DPP6: variants seen among roughly 807,000 people sequenced by gnomAD.
DPP6 encodes dipeptidyl peptidase like 6, also known as A-type potassium channel modulatory protein DPP6.
Under a neutral mutation model 122.6 loss-of-function variants are expected in DPP6, and 69 were observed. That is an observed-to-expected ratio of 0.56 (90% CI 0.46 to 0.69). The LOEUF (loss-of-function observed/expected upper bound fraction) is 0.69, where lower values mean the gene tolerates loss of function less well. Ranked by LOEUF, DPP6 falls within the 30% of genes least tolerant of loss-of-function variation. The probability of loss-of-function intolerance (pLI) is 0.00; values close to 1 mark genes in which losing one functional copy is unlikely to be tolerated. For missense variants in DPP6, 928 were observed against 1,116.9 expected (o/e 0.83, Z 2.41); for synonymous variants, 418 against 433.1 (o/e 0.97, Z 0.43).
chr7:154,204,388 C>T lies in DPP6; in HGVS notation c.243+151325C>T, dbSNP rs77746437. ...CTCATCCTCTTTGTGGCACTGGGCA[C>T]GCCACTCAAGATCCCTGCTTATTTC... On this transcript the variant is annotated intron_variant, in intron 1 of 25. Transcript: ENST00000377770. Among the ~76,000 whole-genome samples the T allele has an allele frequency of 3.9e-3, 595 of 152,258 alleles. 4 individuals carry two copies. The highest frequency in any genetic ancestry group is 0.014 in the African/African-American group (569 of 41,536).
At chr7:154,032,492 TTATC>T in intron 1 of DPP6, among the ~76,000 whole-genome samples, 1 of 152,286 alleles carries the variant, frequency 6.6e-6, no homozygotes, top group Middle Eastern at 3.4e-3. Context: ...TGTTACTAGT[TTATC>T]TAAGCCCAGA....
At chr7:153,939,493 G>C (rs1353835959) in intron 1 of DPP6, among the ~76,000 whole-genome samples, 1 of 152,186 alleles carries the variant, frequency 6.6e-6, no homozygotes, top group Non-Finnish European at 1.5e-5. Context: ...TTAAATTATA[G>C]TTGTGACAGA....
chr7:154,368,582 G>T (rs1279573597), intron 1 of DPP6, among the ~76,000 whole-genome samples: 3 of 152,202 alleles, frequency 2.0e-5, no homozygotes, highest in East Asian at 3.9e-4. Context: ...GGAAACAAAA[G>T]ACATCATTCT....
chr7:154,792,273 G>A (rs1328433168), intron 10 of DPP6, among the ~76,000 whole-genome samples: 2 of 152,244 alleles, frequency 1.3e-5, no homozygotes, highest in Non-Finnish European at 2.9e-5. Flanking sequence ...CACGTCCCAT[G>A]GTAGGGAATA....
In DPP6 at chr7:154,071,492, A is replaced by G. The variant is rs561207007; in HGVS notation, c.243+18429A>G. 3.3e-5 allele frequency among the ~76,000 whole-genome samples: 5 copies of G among 152,340 alleles called. No homozygotes were observed. The East Asian group carries it at 7.7e-4, about 24-fold the overall frequency. ...AATGTCACATCTTTATCCTTCAGAC[A>G]TAGTAGCTCAGTCTGCATCAGACTA... is the stretch of plus-strand genomic sequence containing the variant. On this transcript the variant is annotated intron_variant, in intron 1 of 25. Coordinates refer to ENST00000377770, the MANE Select transcript of DPP6 (RefSeq NM_130797.4).
At chr7:154,206,567 C>T (rs899161975) in intron 1 of DPP6, among the ~76,000 whole-genome samples, 1 of 152,196 alleles carries the variant, frequency 6.6e-6, no homozygotes, top group Admixed American at 6.5e-5. Context: ...GACCTTTCTT[C>T]ACTATGACCT....
intron 1 of DPP6, among the ~76,000 whole-genome samples, chr7:154,316,533 C>T (rs745390780): frequency 3.9e-5 from 6 of 152,150 alleles, no homozygotes; most frequent in Non-Finnish European, 5.9e-5. Context: ...CCACCTTCTC[C>T]GATGCAGAGA....
chr7:154,365,603 C>T (rs1248904501), intron 1 of DPP6, among the ~76,000 whole-genome samples: 1 of 152,210 alleles, frequency 6.6e-6, no homozygotes. Context: ...TCAGACAGCA[C>T]AGATACCCTA....
intron 1 of DPP6, among the ~76,000 whole-genome samples, chr7:153,908,029 GTT>G (rs34826354): frequency 1.9e-4 from 22 of 113,874 alleles, no homozygotes; most frequent in Admixed American, 2.8e-4. Context: ...GAGGCTGGAA[GTT>G]TTTTTTTTTT....
At chr7:154,688,704 T>G (rs1028564527) in intron 7 of DPP6, among the ~76,000 whole-genome samples, 2 of 152,122 alleles carry the variant, frequency 1.3e-5, no homozygotes, top group African/African-American at 4.8e-5. Flanking sequence ...CCCATCTCTC[T>G]TTTTCATGTT....
chr7:153,964,822 C>CTTTCCTTTCCT (rs1554420643), intron 1 of DPP6, among the ~76,000 whole-genome samples: 602 of 41,026 alleles, frequency 0.015, 4 homozygotes, highest in Non-Finnish European at 0.021. Context: ...CTTTCCTTTC[C>CTTTCCTTTCCT]TTTCCTTTTC....
intron 1 of DPP6, among the ~76,000 whole-genome samples, chr7:154,268,548 C>G (rs1803582638): frequency 6.6e-6 from 1 of 152,160 alleles, no homozygotes; most frequent in East Asian, 1.9e-4. Context: ...CCTCCTAACA[C>G]CATCACATTG....
chr7:154,051,936 G>C (rs1446874880), upstream of DPP6, among the ~76,000 whole-genome samples: 1 of 151,838 alleles, frequency 6.6e-6, no homozygotes, highest in Admixed American at 6.5e-5. Context: ...CCAGGTCCTC[G>C]GGGTGTCTCT....
chr7:154,298,142 A>G (rs946831753), intron 1 of DPP6, among the ~76,000 whole-genome samples: 1 of 152,150 alleles, frequency 6.6e-6, no homozygotes, highest in African/African-American at 2.4e-5. Flanking sequence ...CTGCCTCCAG[A>G]CAGCCTTCAG....
intron 1 of DPP6, among the ~76,000 whole-genome samples, chr7:154,041,569 A>G (rs1241866195): frequency 1.3e-5 from 2 of 152,188 alleles, no homozygotes; most frequent in Non-Finnish European, 2.9e-5. Context: ...TGGAAGAACC[A>G]GGTGTGCAGT....
rs1110077 is a variant in DPP6 at position 154,876,209 on chromosome 7, T to G, written c.2078+109T>G. 261,597 of 1,372,358 alleles carry G rather than the reference T, an allele frequency of 0.19. 33,174 individuals are homozygous for G. Among genetic ancestry groups the G allele is most frequent in the African/African-American group, 0.53 (36,190 of 68,260 alleles). 85.0% of individuals were successfully genotyped at this position (1,372,358 alleles called of 1,614,324 possible). On this transcript the variant is annotated intron_variant, in intron 20 of 25. Transcript: ENST00000377770. ...TGCTTTTTCTCCACGCACACATTTT[T>G]CATGCAATTTGCTCTTACCTAAAAT...
intron 18 of DPP6, among the ~76,000 whole-genome samples, chr7:154,869,640 G>A (rs2140896): frequency 0.077 from 11,705 of 152,206 alleles, 1,470 homozygotes; most frequent in African/African-American, 0.26. Flanking sequence ...CCCAGGTGTG[G>A]GCCCTGCACA....
chr7:154,730,455 C>T (rs1268433831), intron 8 of DPP6, among the ~76,000 whole-genome samples: 2 of 152,128 alleles, frequency 1.3e-5, no homozygotes, highest in Non-Finnish European at 2.9e-5. Context: ...GAGTGGAATA[C>T]GTGCAGCACA....
the DPP6 span, among the ~76,000 whole-genome samples, chr7:153,855,820 A>G: frequency 2.6e-5 from 4 of 152,224 alleles, no homozygotes; most frequent in South Asian, 4.1e-4. Context: ...ACATCTCTGC[A>G]TATGTACTTG....
Sources: allele counts gnomAD v4.1 joint callset (sites outside exome capture counted in the v4.1 genomes callset), GRCh38; gene constraint gnomAD v4.1.1; transcripts MANE v1.5; gene names NCBI Gene and HGNC (gene_info 2026-07-23, HGNC 2026-07-21).